CACNB2: variants seen among roughly 807,000 people sequenced by gnomAD.
The protein encoded by CACNB2 is calcium voltage-gated channel auxiliary subunit beta 2.
In CACNB2, 42 loss-of-function variants were observed where a neutral mutation model predicts 73.3. The ratio of observed to expected loss-of-function variants is 0.57; its 90% CI spans 0.45 to 0.74. The LOEUF (loss-of-function observed/expected upper bound fraction) is 0.74, where lower values mean the gene tolerates loss of function less well. Ranked by LOEUF, CACNB2 falls within the 30% of genes least tolerant of loss-of-function variation. CACNB2 has a pLI of 0.00. For missense variants in CACNB2, 940 were observed against 853.0 expected, an observed-to-expected ratio of 1.10 and a Z score of -1.27; for synonymous variants, 348 against 310.3, an observed-to-expected ratio of 1.12 and a Z score of -1.28.
intron 2 of CACNB2, among the ~76,000 whole-genome samples, chr10:18,395,227 T>C (rs1175595967): frequency 6.6e-6 from 1 of 152,222 alleles, no homozygotes; most frequent in East Asian, 1.9e-4. Flanking sequence ...GCATTTCTTG[T>C]ACACAAGGCC....
chr10:18,248,687 T>C (rs138370073), intron 2 of CACNB2, among the ~76,000 whole-genome samples: 24 of 152,336 alleles, frequency 1.6e-4, no homozygotes, highest in African/African-American at 4.6e-4. Context: ...TGAGAAGTCT[T>C]CCTCTTGTTC....
intron 2 of CACNB2, among the ~76,000 whole-genome samples, chr10:18,372,475 C>T (rs7901058): frequency 0.24 from 36,338 of 151,922 alleles, 4,843 homozygotes; most frequent in East Asian, 0.67. Context: ...CGGAGTATCT[C>T]GGCTCACTGC....
chr10:18,518,244 A>C (rs2133158675), intron 7 of CACNB2, 92 bp from the exon 8 acceptor site: 2 of 860,030 alleles, frequency 2.3e-6, no homozygotes, highest in East Asian at 2.4e-5. Flanking sequence ...CCAGTGCCTC[A>C]TATTATGGAG....
In CACNB2 at chr10:18,339,673, T is replaced by G. The variant is rs546491729; in HGVS notation, c.214-62251T>G. On this transcript the variant is annotated intron_variant, in intron 2 of 13. Coordinates refer to ENST00000324631, the MANE Select transcript of CACNB2 (RefSeq NM_201596.3). ...GTCTCTGTTGCAATGACTGCTCTTG[T>G]AAAGAGCACAAAAGCAGCCATGGAG... is the stretch of plus-strand genomic sequence containing the variant. Among the ~76,000 whole-genome samples the G allele has an allele frequency of 3.2e-4, 48 of 152,222 alleles. 1 individual carries two copies. The highest frequency in any genetic ancestry group is 1.1e-3 in the African/African-American group (46 of 41,540).
intron 2 of CACNB2, among the ~76,000 whole-genome samples, chr10:18,200,030 T>TA (rs1554768706): frequency 6.6e-6 from 1 of 151,020 alleles, no homozygotes; most frequent in Non-Finnish European, 1.5e-5. Flanking sequence ...TCAAGTAAGA[T>TA]AATAGTGGCT....
intron 2 of CACNB2, among the ~76,000 whole-genome samples, chr10:18,368,353 C>G (rs923832231): frequency 6.6e-6 from 1 of 152,128 alleles, no homozygotes; most frequent in African/African-American, 2.4e-5. Flanking sequence ...TGACTCCATT[C>G]CAGTGTTCCC....
chr10:18,519,548 T>TC (rs2051631213), intron 9 of CACNB2, among the ~76,000 whole-genome samples: 1 of 152,084 alleles, frequency 6.6e-6, no homozygotes, highest in Non-Finnish European at 1.5e-5. Flanking sequence ...TCATTCCCCA[T>TC]CCCCTCTCTG....
intron 2 of CACNB2, among the ~76,000 whole-genome samples, chr10:18,327,978 T>C (rs1024512319): frequency 2.0e-5 from 3 of 152,148 alleles, no homozygotes; most frequent in African/African-American, 2.4e-5. Context: ...TGTCAAATTC[T>C]TGAAGCAGAT....
chr10:18,356,937 A>G (rs1564464136), intron 2 of CACNB2, among the ~76,000 whole-genome samples: 1 of 48,962 alleles, frequency 2.0e-5, no homozygotes, highest in Non-Finnish European at 4.7e-5. Context: ...GCCCAGACTC[A>G]ATTTCTTTTT....
chr10:18,239,798 T>A (rs1388509034), intron 2 of CACNB2, among the ~76,000 whole-genome samples: 2 of 152,214 alleles, frequency 1.3e-5, no homozygotes, highest in African/African-American at 4.8e-5. Context: ...AGATTTTCTT[T>A]ATAGTTTCTA....
chr10:18,343,666 A>G (rs1589093403), intron 2 of CACNB2, among the ~76,000 whole-genome samples: 3 of 152,276 alleles, frequency 2.0e-5, no homozygotes, highest in East Asian at 3.9e-4. Context: ...GAAATCCCAA[A>G]CTGTGATACT....
chr10:18,198,018 T>C (rs2034704677), intron 2 of CACNB2, among the ~76,000 whole-genome samples: 2 of 147,912 alleles, frequency 1.4e-5, no homozygotes, highest in South Asian at 4.2e-4. Context: ...TTAGTAACAA[T>C]ATAAATTTAC....
chr10:18,383,623 AAT>A, intron 2 of CACNB2, among the ~76,000 whole-genome samples: 1 of 152,336 alleles, frequency 6.6e-6, no homozygotes, highest in South Asian at 2.1e-4. Context: ...GTAAACCATA[AAT>A]AAATACATAA....
intron 2 of CACNB2, among the ~76,000 whole-genome samples, chr10:18,372,123 A>C (rs1016941490): frequency 5.9e-5 from 9 of 152,072 alleles, no homozygotes; most frequent in African/African-American, 2.2e-4. Flanking sequence ...AGATGAGTAG[A>C]TTGCAAAAAT....
chr10:18,399,260 G>C (rs116733734), intron 2 of CACNB2, among the ~76,000 whole-genome samples: 2,637 of 152,240 alleles, frequency 0.017, 79 homozygotes, highest in African/African-American at 0.06. Context: ...CCTCTAGGAA[G>C]ATCAGGAATC....
intron 2 of CACNB2, among the ~76,000 whole-genome samples, chr10:18,176,457 G>T (rs973322021): frequency 7.9e-5 from 12 of 152,106 alleles, no homozygotes; most frequent in Admixed American, 7.2e-4. Context: ...AATCACAAAA[G>T]CATTGCAGAA....
At chr10:18,351,796 G>C (rs2041717197) in intron 2 of CACNB2, among the ~76,000 whole-genome samples, 1 of 152,200 alleles carries the variant, frequency 6.6e-6, no homozygotes, top group African/African-American at 2.4e-5. Flanking sequence ...TGCTTTCAAA[G>C]TTAGAGAAAG....
chr10:18,235,741 A>G (rs2036416357), intron 2 of CACNB2, among the ~76,000 whole-genome samples: 1 of 152,034 alleles, frequency 6.6e-6, no homozygotes, highest in East Asian at 1.9e-4. Flanking sequence ...CTGTATGAGG[A>G]AGAGGGGCAA....
At chr10:18,262,798 T>G (rs1429273740) in intron 2 of CACNB2, among the ~76,000 whole-genome samples, 1 of 152,210 alleles carries the variant, frequency 6.6e-6, no homozygotes, top group African/African-American at 2.4e-5. Context: ...AATACAAAAA[T>G]TCTGAAATAA....
Sources: gnomAD v4.1 joint callset for allele counts (sites outside exome capture counted in the v4.1 genomes callset) on GRCh38, gnomAD v4.1.1 for gene constraint, MANE v1.5 for transcripts, NCBI Gene and HGNC (gene_info 2026-07-23, HGNC 2026-07-21) for gene names.